The following EPHA3 variants were observed in gnomAD, a reference collection of about 807,000 sequenced individuals.
EPHA3 encodes the protein EPH receptor A3.
EPHA3 carries 42 observed loss-of-function variants against 107.1 expected under a neutral mutation model. The ratio of observed to expected loss-of-function variants is 0.39; its 90% CI spans 0.31 to 0.51. EPHA3 has a LOEUF of 0.51. Among genes scored for constraint, EPHA3 ranks in the 20% least tolerant of loss-of-function variants. The pLI is 0.78. For synonymous variants in EPHA3, 461 were observed against 424.8 expected, an observed-to-expected ratio of 1.09 and a Z score of -1.05; for missense variants, 1,183 against 1,211.2, an observed-to-expected ratio of 0.98 and a Z score of 0.35.
At chr3:89,230,570 T>A (rs183656942) in intron 3 of EPHA3, among the ~76,000 whole-genome samples, 3 of 152,222 alleles carry the variant, frequency 2.0e-5, no homozygotes, top group Non-Finnish European at 4.4e-5. Context: ...ATCCAAATTC[T>A]TCTTTCTATA....
chr3:89,305,601 G>T (rs995221485), intron 3 of EPHA3, among the ~76,000 whole-genome samples: 6 of 152,116 alleles, frequency 3.9e-5, no homozygotes, highest in African/African-American at 1.4e-4. Flanking sequence ...CTAAAATTCA[G>T]TCATTCTATA....
chr3:89,370,676 A>G (rs114812761), intron 5 of EPHA3, among the ~76,000 whole-genome samples: 2,311 of 151,838 alleles, frequency 0.015, 42 homozygotes, highest in African/African-American at 0.053. Flanking sequence ...AAAAAATAAC[A>G]AAATACATTA....
At chr3:89,186,462 CA>C (rs1705571409) in intron 2 of EPHA3, among the ~76,000 whole-genome samples, 1 of 151,976 alleles carries the variant, frequency 6.6e-6, no homozygotes, top group Non-Finnish European at 1.5e-5. Context: ...ATTTCAAAGT[CA>C]AAACGGCTTC....
intron 3 of EPHA3, among the ~76,000 whole-genome samples, chr3:89,216,779 A>G (rs991163202): frequency 6.6e-6 from 1 of 152,130 alleles, no homozygotes; most frequent in African/African-American, 2.4e-5. Flanking sequence ...TTCAACTTTC[A>G]AGATGCAATG....
At chr3:89,460,498 A>G (rs1258530824) in intron 15 of EPHA3, among the ~76,000 whole-genome samples, 1 of 151,844 alleles carries the variant, frequency 6.6e-6, no homozygotes, top group South Asian at 2.1e-4. Flanking sequence ...ATTTATTTTT[A>G]TTAACTTGCA....
At chr3:89,386,564 C>T (rs1708627352) in intron 5 of EPHA3, among the ~76,000 whole-genome samples, 1 of 152,202 alleles carries the variant, frequency 6.6e-6, no homozygotes, top group Non-Finnish European at 1.5e-5. Flanking sequence ...GCTGCAGGGG[C>T]AGAGCCCTCA....
intron 1 of EPHA3, among the ~76,000 whole-genome samples, chr3:89,110,232 T>C (rs1408428025): frequency 6.6e-6 from 1 of 151,946 alleles, no homozygotes; most frequent in Non-Finnish European, 1.5e-5. Flanking sequence ...TTATGAGAAA[T>C]TTACTGAAAC....
chr3:89,445,495 C>A (rs1232680946), intron 13 of EPHA3, among the ~76,000 whole-genome samples: 1 of 152,104 alleles, frequency 6.6e-6, no homozygotes, highest in Admixed American at 6.6e-5. Flanking sequence ...AACTGGTACA[C>A]CAAAAGTTGA....
chr3:89,323,281 T>A, intron 3 of EPHA3, among the ~76,000 whole-genome samples: 1 of 152,100 alleles, frequency 6.6e-6, no homozygotes, highest in East Asian at 1.9e-4. Context: ...TACTCACATG[T>A]AATTCCTACA....
chr3:89,139,339 G>T (rs559781096), intron 2 of EPHA3, among the ~76,000 whole-genome samples: 7 of 151,876 alleles, frequency 4.6e-5, no homozygotes, highest in East Asian at 2.0e-4. Flanking sequence ...AAATCTTGTG[G>T]GTGATATGAG....
intron 3 of EPHA3, among the ~76,000 whole-genome samples, chr3:89,289,482 C>T (rs769475167): frequency 3.9e-5 from 6 of 151,984 alleles, no homozygotes; most frequent in Admixed American, 6.6e-5. Context: ...TAATGGGATC[C>T]TGGAGTAGAC....
chr3:89,328,284 T>A (rs1052344462), intron 3 of EPHA3, among the ~76,000 whole-genome samples: 33 of 152,258 alleles, frequency 2.2e-4, no homozygotes, highest in African/African-American at 7.5e-4. Flanking sequence ...GTCCATTACA[T>A]GGGAAGCAGG....
At chr3:89,444,586 A>C (rs1448741623) in intron 13 of EPHA3, among the ~76,000 whole-genome samples, 2 of 152,204 alleles carry the variant, frequency 1.3e-5, no homozygotes, top group East Asian at 1.9e-4. Flanking sequence ...TCTTTTAATA[A>C]ATTTGTTATA....
intron 2 of EPHA3, among the ~76,000 whole-genome samples, chr3:89,201,278 C>T (rs1705961899): frequency 6.6e-6 from 1 of 152,174 alleles, no homozygotes; most frequent in Non-Finnish European, 1.5e-5. Flanking sequence ...AATCCACCCC[C>T]ATGGTCCAAT....
intron 3 of EPHA3, among the ~76,000 whole-genome samples, chr3:89,281,956 G>A (rs996122838): frequency 1.3e-5 from 2 of 152,186 alleles, no homozygotes; most frequent in African/African-American, 4.8e-5. Flanking sequence ...TTATTGGGCT[G>A]ATGTGTCAGT....
intron 3 of EPHA3, among the ~76,000 whole-genome samples, chr3:89,291,526 G>T (rs1373700670): frequency 6.6e-6 from 1 of 152,044 alleles, no homozygotes; most frequent in African/African-American, 2.4e-5. Flanking sequence ...GTTGGTTTAG[G>T]AAAACCTTCC....
intron 7 of EPHA3, 161 bp downstream of exon 7, chr3:89,399,641 T>C: frequency 7.7e-7 from 1 of 1,305,880 alleles, no homozygotes. Flanking sequence ...CTGTATACAG[T>C]ATTTGTGTTT....
chr3:89,384,864 T>C (rs574427660), intron 5 of EPHA3, among the ~76,000 whole-genome samples: 3 of 152,276 alleles, frequency 2.0e-5, no homozygotes, highest in Non-Finnish European at 4.4e-5. Context: ...TGTATGGATG[T>C]CCCAGGATAG....
intron 5 of EPHA3, among the ~76,000 whole-genome samples, chr3:89,359,305 AG>A (rs1002981458): frequency 8.6e-5 from 13 of 151,154 alleles, no homozygotes; most frequent in African/African-American, 2.9e-4. Context: ...ATATTTGTTA[AG>A]ACATACATGT....
Sources: gnomAD v4.1 joint callset for allele counts (sites outside exome capture counted in the v4.1 genomes callset) on GRCh38, gnomAD v4.1.1 for gene constraint, MANE v1.5 for transcripts, NCBI Gene and HGNC (gene_info 2026-07-23, HGNC 2026-07-21) for gene names.